Variants in DDX17 observed in about 807,000 individuals in gnomAD.
DDX17 encodes probable ATP-dependent RNA helicase DDX17.
In DDX17, 10 loss-of-function variants were observed where a neutral mutation model predicts 80.8. The observed-to-expected ratio is 0.12, with a 90% CI of 0.08 to 0.21. The LOEUF (loss-of-function observed/expected upper bound fraction) is 0.21. Among genes scored for constraint, DDX17 ranks in the 10% least tolerant of loss-of-function variants. The probability of loss-of-function intolerance (pLI) is 1.00; values close to 1 mark genes in which losing one functional copy is unlikely to be tolerated. For missense variants in DDX17, 586 were observed against 957.4 expected (o/e 0.61, Z 5.12); for synonymous variants, 339 against 336.2 (o/e 1.01, Z -0.09).
At position 38,483,879 on chromosome 22, in the gene DDX17, CT is replaced by C. The variant is rs1440741760; in HGVS notation, c.*2055del. On this transcript the variant is annotated 3_prime_UTR_variant, in exon 13 of 13. Coordinates refer to ENST00000403230, the MANE Select transcript of DDX17 (RefSeq NM_006386.5). Reference sequence around the variant, plus strand: ...AGAGTTAAACTCTGCTAGATTTCAGCTGTGCTCAGGCCATAATAGTTTTTGA... The same window carrying C: ...AGAGTTAAACTCTGCTAGATTTCAGCGTGCTCAGGCCATAATAGTTTTTGA... The C allele has an allele frequency of 6.6e-6, 1 of 152,170 alleles. No individual in the cohort carries two copies. Among genetic ancestry groups the C allele is most frequent in the African/African-American group, 2.4e-5 (1 of 41,438 alleles). 9.4% of individuals were successfully genotyped at this position (152,170 alleles called of 1,614,324 possible).
Position 38,484,861 on chromosome 22 carries a change from G to A in DDX17, c.*1074C>T, listed in dbSNP as rs1012978952. 4 of 152,192 alleles carry A rather than the reference G, an allele frequency of 2.6e-5. No individual in the cohort carries two copies. The highest frequency in any genetic ancestry group is 7.2e-5 in the African/African-American group (3 of 41,450). 9.4% of individuals were successfully genotyped at this position (152,192 alleles called of 1,614,324 possible). A position where few individuals can be genotyped will look rare whatever the true frequency, so the allele number is the denominator to read the frequency against. On this transcript the variant is annotated 3_prime_UTR_variant, in exon 13 of 13. Coordinates refer to ENST00000403230, the MANE Select transcript of DDX17 (RefSeq NM_006386.5). The stretch of plus-strand genomic sequence containing the variant: ...AGCACTGCAGAGAACAGGGTATGAA[G>A]AAAATAAAGAGTTCTTAATAAACCC...
chr22:38,485,817 T>TAA lies in DDX17; in HGVS notation c.*116_*117dup, dbSNP rs138440. On this transcript the variant is annotated 3_prime_UTR_variant, in exon 13 of 13. Transcript: ENST00000403230. The stretch of plus-strand genomic sequence containing the variant: ...AATCACGATGGTTGGGGGGAAAAAT[T>TAA]AAAAAAAAAAAAAGAAAAAAGGAAA... 46,108 of 1,003,580 alleles carry TAA rather than the reference T, an allele frequency of 0.046. 3 individuals are homozygous for TAA. Among genetic ancestry groups the TAA allele is most frequent in the Non-Finnish European group, 0.05 (37,994 of 758,654 alleles). The allele number at this position is 1,003,580 out of a possible 1,614,324, so 62.2% of individuals were successfully genotyped here. A position where few individuals can be genotyped will look rare whatever the true frequency, so the allele number is the denominator to read the frequency against.
At chr22:38,487,333 C>T (rs956829621) in intron 12 of DDX17, among the ~76,000 whole-genome samples, 2 of 149,354 alleles carry the variant, frequency 1.3e-5, no homozygotes, top group Admixed American at 1.3e-4. Context: ...CACAGACCAG[C>T]CTCAGCTAGG....
intron 5 of DDX17, among the ~76,000 whole-genome samples, chr22:38,496,184 TATCA>T (rs2089764641): frequency 6.6e-6 from 1 of 152,170 alleles, no homozygotes; most frequent in South Asian, 2.1e-4. Context: ...TATGACACAT[TATCA>T]ATCATTATAG....
Position 38,488,331 on chromosome 22 carries a change from CT to C in DDX17, c.1448-217del, listed in dbSNP as rs111930094. 1.2e-5 allele frequency: 17 copies of C among 1,428,266 alleles called. No individual in the cohort carries two copies. The African/African-American group carries it at 2.3e-4, about 19-fold the overall frequency. 88.5% of individuals were successfully genotyped at this position (1,428,266 alleles called of 1,614,324 possible). A position where few individuals can be genotyped will look rare whatever the true frequency, so the allele number is the denominator to read the frequency against. ...CTGGGACATGCATAGGAAATAGGATCTTTATTGGCTGTAGAATCCTAAGGGA... is the reference window on the plus strand; with the variant it reads ...CTGGGACATGCATAGGAAATAGGATCTTATTGGCTGTAGAATCCTAAGGGA... On this transcript the variant is annotated intron_variant, in intron 11 of 12. Transcript: ENST00000403230.
chr22:38,495,325 A>G (rs954390361), intron 6 of DDX17, among the ~76,000 whole-genome samples: 1 of 146,144 alleles, frequency 6.8e-6, no homozygotes, highest in Non-Finnish European at 1.5e-5. Context: ...GGCTCACTGC[A>G]AGCTCCGACT....
At chr22:38,488,878 C>A in intron 11 of DDX17, 1 of 985,378 alleles carries the variant, frequency 1.0e-6, no homozygotes, top group Non-Finnish European at 1.2e-6. Flanking sequence ...CAACTCAGGA[C>A]TTGTTTCAAT....
chr22:38,501,021 C>A, intron 2 of DDX17, 109 bp downstream of exon 2: 1 of 1,345,540 alleles, frequency 7.4e-7, no homozygotes, highest in Non-Finnish European at 9.9e-7. Flanking sequence ...AAAAATATCA[C>A]CACACTAGAA....
intron 2 of DDX17, among the ~76,000 whole-genome samples, chr22:38,500,829 A>AAAAAAAAAAAAAAAAAAAAAAAC (rs2089821028): frequency 8.8e-6 from 1 of 113,820 alleles, no homozygotes; most frequent in African/African-American, 3.3e-5. Flanking sequence ...AAAAAAAAAA[A>AAAAAAAAAAAAAAAAAAAAAAAC]AAAAAAAAAA....
chr22:38,505,820 T>C (rs1242023362), intron 1 of DDX17, 131 bp downstream of exon 1: 1 of 1,196,748 alleles, frequency 8.4e-7, no homozygotes, highest in African/African-American at 1.6e-5. Flanking sequence ...AACCGCTGTC[T>C]CGCCTCGAGT....
intron 5 of DDX17, 139 bp from the exon 6 acceptor site, chr22:38,496,076 C>G: frequency 2.8e-6 from 2 of 725,032 alleles, no homozygotes; most frequent in Non-Finnish European, 4.0e-6. Flanking sequence ...GGGTGAAGAT[C>G]AGAAGTGGGG....
Position 38,500,989 on chromosome 22 carries a change from A to AT in DDX17, c.438+140dup. The AT allele has an allele frequency of 8.3e-6, 10 of 1,198,224 alleles. No individual in the cohort carries two copies. In the East Asian group the frequency reaches 8.8e-5, roughly 11 times the overall value. The allele number at this position is 1,198,224 out of a possible 1,614,324, so 74.2% of individuals were successfully genotyped here. On this transcript the variant is annotated intron_variant, in intron 2 of 12. Coordinates refer to ENST00000403230, the MANE Select transcript of DDX17 (RefSeq NM_006386.5). Reference sequence around the variant, plus strand: ...CTACAAAAAGGAAAAAAAAAAAAAAATTAACCAAAAAATTTTTTAAGAAAA... The same window carrying AT: ...CTACAAAAAGGAAAAAAAAAAAAAAATTTAACCAAAAAATTTTTTAAGAAAA...
At chr22:38,495,241 A>C (rs949654605) in intron 6 of DDX17, among the ~76,000 whole-genome samples, 195 bp from the exon 7 acceptor site, 2 of 113,038 alleles carry the variant, frequency 1.8e-5, no homozygotes, top group Non-Finnish European at 3.4e-5. Flanking sequence ...TGCTGCAGAG[A>C]AGCTATTTTT....
intron 10 of DDX17, among the ~76,000 whole-genome samples, chr22:38,492,904 TTTTTC>T (rs2089727126): frequency 6.6e-6 from 1 of 152,190 alleles, no homozygotes; most frequent in African/African-American, 2.4e-5. Flanking sequence ...TTAAGAAACA[TTTTTC>T]TTTAAATATT....
intron 12 of DDX17, 70 bp from the exon 13 acceptor site, chr22:38,486,510 A>T: frequency 6.8e-7 from 1 of 1,466,156 alleles, no homozygotes; most frequent in Non-Finnish European, 9.0e-7. Context: ...TAAAAATTCT[A>T]CTGGGTACAA....
chr22:38,493,740 T>C lies in DDX17; in HGVS notation c.1357A>G (p.Ser453Gly). The C allele has an allele frequency of 6.2e-7, 1 of 1,613,838 alleles. No individual in the cohort carries two copies. The highest frequency in any genetic ancestry group is 8.5e-7 in the Non-Finnish European group (1 of 1,179,696). The change falls in exon 10 of 13, where the codon AGT (serine) becomes GGT (glycine). Residue 453 changes from serine (S) to glycine (G), a missense_variant. Around this residue, in one of 4 missense-constraint regions of DDX17, gnomAD observed 141 missense variants for 379.3 expected, o/e 0.37. Transcript: ENST00000403230. ...AGTACCCAATCTCTTTCTGGTTGAC[T>C]CTTGTCTCCATGGATACACATAGCT...
At chr22:38,487,292 C>T (rs1445979306) in intron 12 of DDX17, among the ~76,000 whole-genome samples, 7 of 151,824 alleles carry the variant, frequency 4.6e-5, no homozygotes, top group Non-Finnish European at 5.9e-5. Context: ...GTCAGGAGTT[C>T]GAGACCAGCC....
At position 38,488,087 on chromosome 22, in the gene DDX17, G is replaced by A. The variant is rs1405797966; in HGVS notation, c.1476C>T (p.Asn492=). 3.1e-6 allele frequency: 5 copies of A among 1,614,240 alleles called. No individual in the cohort carries two copies. In the South Asian group the frequency reaches 5.5e-5, roughly 18 times the overall value. Reference sequence around the variant, plus strand: ...CCTCTGAGCTGTTTGGATAGTCATAGTTGATCACAAACTTGACATCTTCCA... The same window carrying A: ...CCTCTGAGCTGTTTGGATAGTCATAATTGATCACAAACTTGACATCTTCCA... Residue 492 remains asparagine (N), a synonymous_variant, in exon 12 of 13, where the codon AAC becomes AAT. Coordinates refer to ENST00000403230, the MANE Select transcript of DDX17 (RefSeq NM_006386.5).
intron 4 of DDX17, 63 bp downstream of exon 4, chr22:38,498,377 T>C (rs1374921123): frequency 1.2e-6 from 2 of 1,601,432 alleles, no homozygotes; most frequent in Non-Finnish European, 1.7e-6. Context: ...TGAGAACGTA[T>C]GACAACTAGA....
Sources: allele counts gnomAD v4.1 joint callset (sites outside exome capture counted in the v4.1 genomes callset), GRCh38; gene constraint gnomAD v4.1.1; regional missense constraint gnomAD v4.1.1; transcripts MANE v1.5; gene names NCBI Gene and HGNC (gene_info 2026-07-23, HGNC 2026-07-21).